The following RRP12 variants were observed in gnomAD, a reference collection of about 807,000 sequenced individuals.
RRP12 encodes ribosomal RNA processing 12 homolog.
RRP12 carries 78 observed loss-of-function variants against 157.3 expected under a neutral mutation model. That is an observed-to-expected ratio of 0.50 (90% CI 0.41 to 0.60). RRP12 has a LOEUF of 0.60. Among genes scored for constraint, RRP12 ranks in the 20% least tolerant of loss-of-function variants. The probability of loss-of-function intolerance (pLI) is 0.00; values close to 1 mark genes in which losing one functional copy is unlikely to be tolerated. For missense variants in RRP12, 1,521 were observed against 1,679.9 expected (o/e 0.91, Z 1.65); for synonymous variants, 726 against 670.9 (o/e 1.08, Z -1.27).
At chr10:97,395,207 T>TATACACACACACACAC (rs112214269) in intron 3 of RRP12, among the ~76,000 whole-genome samples, 201 of 149,968 alleles carry the variant, frequency 1.3e-3, no homozygotes, top group African/African-American at 3.6e-3. Flanking sequence ...TATACACATA[T>TATACACACACACACAC]ACACACACAC....
intron 31 of RRP12, among the ~76,000 whole-genome samples, chr10:97,360,288 G>A (rs367850703): frequency 2.3e-4 from 35 of 152,318 alleles, no homozygotes; most frequent in Middle Eastern, 6.8e-3. Context: ...CGGGTGGGAA[G>A]GAGCTGTGGC....
At position 97,376,961 on chromosome 10, in the gene RRP12, C is replaced by A. The variant is rs138340936; in HGVS notation, c.1798+2332G>T. Among the ~76,000 whole-genome samples, 194 of 151,022 alleles carry A rather than the reference C, an allele frequency of 1.3e-3. 1 individual carries two copies. In the East Asian group the frequency reaches 0.022, roughly 17 times the overall value. Reference sequence around the variant, plus strand: ...GTGGTGCGATCTTGGCTCACTGCAACCTCCGCCCCCCAGAGTCCAAGCGTT... The same window carrying A: ...GTGGTGCGATCTTGGCTCACTGCAAACTCCGCCCCCCAGAGTCCAAGCGTT... On this transcript the variant is annotated intron_variant, in intron 15 of 33. Transcript: ENST00000370992.
At chr10:97,396,537 G>A (rs34533779) in intron 2 of RRP12, among the ~76,000 whole-genome samples, 4,811 of 152,280 alleles carry the variant, frequency 0.032, 104 homozygotes, top group Non-Finnish European at 0.048. Context: ...TGCATGAGAT[G>A]AGTGTGCAAA....
chr10:97,388,111 A>G, intron 8 of RRP12, 141 bp downstream of exon 8: 1 of 1,061,422 alleles, frequency 9.4e-7, no homozygotes, highest in Non-Finnish European at 1.4e-6. Context: ...AACACCACAG[A>G]GTAACGTAGT....
intron 11 of RRP12, 33 bp from the exon 12 acceptor site, chr10:97,381,516 A>G (rs753391715): frequency 8.4e-6 from 13 of 1,549,230 alleles, no homozygotes; most frequent in Non-Finnish European, 1.1e-5. Context: ...TTCTGGGCCC[A>G]AGGCAGCCCC....
intron 30 of RRP12, among the ~76,000 whole-genome samples, chr10:97,362,753 C>A (rs1299811127): frequency 6.6e-6 from 1 of 152,136 alleles, no homozygotes. Context: ...ACTCTCTGAC[C>A]CAAGACTCTG....
At chr10:97,369,367 C>T in intron 25 of RRP12, 58 bp downstream of exon 25, 1 of 1,561,900 alleles carries the variant, frequency 6.4e-7, no homozygotes, top group Non-Finnish European at 8.7e-7. Flanking sequence ...CTTGCCAGGT[C>T]CATGCCAACA....
chr10:97,357,131 A>T lies in RRP12; in HGVS notation c.3857T>A (p.Val1286Glu). ...ATCCTTTCTGCGGTTTTTGTGTCCC[A>T]CCTGGGAACCTCGCCGGGCAGCCTT... is the stretch of plus-strand genomic sequence containing the variant. ...LVKAARRGSQ[V>E]GHKNRRKDRR... is the part of the protein sequence containing the mutation. The change falls in exon 34 of 34, where the codon GTG becomes GAG. Residue 1286 changes from valine (V) to glutamate (E), a missense_variant. Coordinates refer to ENST00000370992, the MANE Select transcript of RRP12 (RefSeq NM_015179.4). 1.2e-6 allele frequency: 2 copies of T among 1,613,380 alleles called. No individual in the cohort carries two copies. The highest frequency in any genetic ancestry group is 1.7e-6 in the Non-Finnish European group (2 of 1,179,586).
At chr10:97,363,253 T>C (rs1206578504) in intron 30 of RRP12, among the ~76,000 whole-genome samples, 1 of 152,130 alleles carries the variant, frequency 6.6e-6, no homozygotes, top group South Asian at 2.1e-4. Context: ...GGGTGATGGG[T>C]TGGGCCCACT....
intron 15 of RRP12, among the ~76,000 whole-genome samples, chr10:97,374,180 TTTTG>T (rs1441039655): frequency 6.6e-6 from 1 of 152,120 alleles, no homozygotes; most frequent in Non-Finnish European, 1.5e-5. Context: ...TGTTTGTTTG[TTTTG>T]TTTGAGACAG....
At chr10:97,389,467 G>A (rs1844740184) in intron 6 of RRP12, among the ~76,000 whole-genome samples, 1 of 152,160 alleles carries the variant, frequency 6.6e-6, no homozygotes, top group Non-Finnish European at 1.5e-5. Flanking sequence ...GAGAGCTGAA[G>A]GTGAGGAAAA....
At chr10:97,372,651 G>C (rs185226901) in intron 19 of RRP12, 85 bp downstream of exon 19, 2 of 1,079,976 alleles carry the variant, frequency 1.9e-6, no homozygotes. Context: ...AATAATGCAA[G>C]AGGGAACCCA....
intron 2 of RRP12, among the ~76,000 whole-genome samples, chr10:97,398,034 T>TAC (rs1554883084): frequency 1.2e-5 from 1 of 86,434 alleles, no homozygotes; most frequent in South Asian, 4.0e-4. Context: ...TATATATATA[T>TAC]ACGTATTTTT....
chr10:97,363,530 C>A (rs1211513012), intron 30 of RRP12, among the ~76,000 whole-genome samples: 1 of 152,204 alleles, frequency 6.6e-6, no homozygotes, highest in African/African-American at 2.4e-5. Context: ...CAGTGCTGGG[C>A]ACACAGCCAT....
intron 10 of RRP12, among the ~76,000 whole-genome samples, chr10:97,382,987 C>A (rs1844512580): frequency 6.6e-6 from 1 of 152,110 alleles, no homozygotes; most frequent in African/African-American, 2.4e-5. Flanking sequence ...GTCTCAAACT[C>A]CTGGCCTCAA....
At chr10:97,374,031 T>C (rs1844235933) in intron 15 of RRP12, 137 bp from the exon 16 acceptor site, 1 of 681,966 alleles carries the variant, frequency 1.5e-6, no homozygotes, top group African/African-American at 1.8e-5. Flanking sequence ...AATTAAATCA[T>C]ACTTGTTCAT....
intron 10 of RRP12, among the ~76,000 whole-genome samples, chr10:97,384,210 T>C (rs1844550599): frequency 8.6e-6 from 1 of 116,144 alleles, no homozygotes; most frequent in Admixed American, 9.8e-5. Flanking sequence ...GATGGGGCTC[T>C]GAGCACCCCC....
intron 3 of RRP12, among the ~76,000 whole-genome samples, chr10:97,395,420 C>T (rs11189198): frequency 0.042 from 6,389 of 151,718 alleles, 225 homozygotes; most frequent in Non-Finnish European, 0.063. Flanking sequence ...GGTGTGGTGG[C>T]GCACGCCTGT....
intron 20 of RRP12, chr10:97,371,430 T>G: frequency 3.5e-6 from 1 of 281,824 alleles, no homozygotes; most frequent in Non-Finnish European, 6.8e-6. Flanking sequence ...TGACAACTCC[T>G]TGCTCCTCCA....
Sources: allele counts gnomAD v4.1 joint callset (sites outside exome capture counted in the v4.1 genomes callset), GRCh38; gene constraint gnomAD v4.1.1; transcripts MANE v1.5; gene names NCBI Gene and HGNC (gene_info 2026-07-23, HGNC 2026-07-21).